LRRIQ3: variants seen among roughly 807,000 people sequenced by gnomAD.
LRRIQ3 encodes the protein leucine rich repeats and IQ motif containing 3.
LRRIQ3 carries 75 observed loss-of-function variants against 59.3 expected under a neutral mutation model. The observed-to-expected ratio is 1.26, with a 90% CI of 1.05 to 1.53. The LOEUF (loss-of-function observed/expected upper bound fraction) is 1.53. LRRIQ3 is among the 40% of genes most tolerant of loss of function. LRRIQ3 has a pLI of 0.00. For missense variants in LRRIQ3, 831 were observed against 710.0 expected, an observed-to-expected ratio of 1.17 and a Z score of -1.94; for synonymous variants, 250 against 231.3, an observed-to-expected ratio of 1.08 and a Z score of -0.73.
intron 7 of LRRIQ3, among the ~76,000 whole-genome samples, chr1:74,037,760 C>T (rs1198500706): frequency 3.3e-5 from 5 of 152,164 alleles, no homozygotes; most frequent in East Asian, 3.9e-4. Flanking sequence ...AAGAGCCACA[C>T]GGGGCAGGGG....
chr1:74,152,073 T>C (rs1377486440), intron 4 of LRRIQ3, among the ~76,000 whole-genome samples: 1 of 151,254 alleles, frequency 6.6e-6, no homozygotes, highest in Non-Finnish European at 1.5e-5. Flanking sequence ...GTGAACCTTA[T>C]AAAAAATAAA....
intron 5 of LRRIQ3, among the ~76,000 whole-genome samples, chr1:74,100,685 A>G (rs1172551330): frequency 6.6e-6 from 1 of 152,220 alleles, no homozygotes; most frequent in African/African-American, 2.4e-5. Context: ...AACCAAAAAC[A>G]GCATGGTACT....
intron 1 of LRRIQ3, among the ~76,000 whole-genome samples, chr1:74,185,696 C>A (rs142475730): frequency 1.1e-3 from 165 of 152,246 alleles, no homozygotes; most frequent in African/African-American, 3.8e-3. Context: ...GTAATCCCAG[C>A]ACTTTGGGAG....
rs144903162 is a variant in LRRIQ3 at position 74,050,525 on chromosome 1, C to G, written c.998-8592G>C. On this transcript the variant is annotated intron_variant, in intron 6 of 7. Coordinates refer to ENST00000354431, the MANE Select transcript of LRRIQ3 (RefSeq NM_001105659.2). ...AGAAGCCAATACCATTTGTGGTCAACAGAGCTTGTTTGATTCTTCTGAACG... is the reference window on the plus strand; with the variant it reads ...AGAAGCCAATACCATTTGTGGTCAAGAGAGCTTGTTTGATTCTTCTGAACG... 1.2e-4 allele frequency: 122 copies of G among 985,384 alleles called. No individual in the cohort carries two copies. In the East Asian group the frequency reaches 0.013, roughly 104 times the overall value. The allele number at this position is 985,384 out of a possible 1,614,324, so 61.0% of individuals were successfully genotyped here.
At chr1:74,132,403 C>G (rs1178770921) in intron 4 of LRRIQ3, among the ~76,000 whole-genome samples, 1 of 152,120 alleles carries the variant, frequency 6.6e-6, no homozygotes, top group Non-Finnish European at 1.5e-5. Context: ...GCCCGCATTG[C>G]CAAGTCAATG....
rs1216984130 is a variant in LRRIQ3 at position 74,026,962 on chromosome 1, C to A, written c.1726G>T (p.Glu576Ter). ...LKEMKKVRSQ[E>*]IYKRHCEEKF... is the part of the protein sequence containing the mutation. ...TCTTCACAATGTCTTTTATATATTTCTTGAGATCTAAGAGGAGAAAGAAAG... is the reference window on the plus strand; with the variant it reads ...TCTTCACAATGTCTTTTATATATTTATTGAGATCTAAGAGGAGAAAGAAAG... The change falls in exon 8 of 8, where the codon GAA becomes TAA. Residue 576 changes from glutamate (E) to a stop codon, truncating the protein, a stop_gained. Transcript: ENST00000354431. LOFTEE classifies it low-confidence loss of function (END_TRUNC). 6.5e-7 allele frequency: 1 copy of A among 1,541,542 alleles called. No individual in the cohort carries two copies. Among genetic ancestry groups the A allele is most frequent in the African/African-American group, 1.4e-5 (1 of 72,210 alleles).
intron 7 of LRRIQ3, among the ~76,000 whole-genome samples, chr1:74,030,820 A>G (rs1273133303): frequency 6.6e-6 from 1 of 152,214 alleles, no homozygotes; most frequent in Non-Finnish European, 1.5e-5. Flanking sequence ...CAGAATGAAC[A>G]GACAACCTAC....
At chr1:74,135,474 C>A (rs950134549) in intron 4 of LRRIQ3, among the ~76,000 whole-genome samples, 1 of 151,802 alleles carries the variant, frequency 6.6e-6, no homozygotes, top group Non-Finnish European at 1.5e-5. Flanking sequence ...GAAACATTCT[C>A]CAGGATATAT....
At chr1:74,100,993 G>A (rs12066059) in intron 5 of LRRIQ3, among the ~76,000 whole-genome samples, 6,039 of 152,156 alleles carry the variant, frequency 0.04, 151 homozygotes, top group South Asian at 0.13. Flanking sequence ...CAGGACATAG[G>A]CATGGGCAAG....
chr1:74,086,015 A>T (rs17094854), intron 5 of LRRIQ3, among the ~76,000 whole-genome samples: 3,743 of 152,112 alleles, frequency 0.025, 144 homozygotes, highest in African/African-American at 0.085. Flanking sequence ...GGAGCTACTA[A>T]ATCAACAAAC....
intron 3 of LRRIQ3, chr1:74,180,994 C>A: frequency 1.8e-6 from 1 of 556,528 alleles, no homozygotes; most frequent in Non-Finnish European, 3.1e-6. Flanking sequence ...ATTCTCTGTG[C>A]CTTTCCCTTG....
At chr1:74,174,804 C>T (rs571110690) in intron 3 of LRRIQ3, among the ~76,000 whole-genome samples, 4 of 152,034 alleles carry the variant, frequency 2.6e-5, no homozygotes, top group Admixed American at 2.0e-4. Context: ...AGTTATTTGT[C>T]AATGTTCTTT....
chr1:74,161,796 A>G (rs1480964517), intron 3 of LRRIQ3, among the ~76,000 whole-genome samples: 1 of 151,766 alleles, frequency 6.6e-6, no homozygotes, highest in Non-Finnish European at 1.5e-5. Flanking sequence ...GAACAAGTAA[A>G]CTCCAGACAA....
At chr1:74,077,461 C>A (rs530041228) in intron 5 of LRRIQ3, among the ~76,000 whole-genome samples, 22 of 151,466 alleles carry the variant, frequency 1.5e-4, no homozygotes, top group Middle Eastern at 3.4e-3. Flanking sequence ...GAACCCCCCC[C>A]AAAAAAAATC....
At chr1:74,101,316 C>T (rs1230084294) in intron 5 of LRRIQ3, among the ~76,000 whole-genome samples, 1 of 152,148 alleles carries the variant, frequency 6.6e-6, no homozygotes, top group East Asian at 1.9e-4. Context: ...AAATGCTCAT[C>T]ATCACTGGCC....
chr1:74,069,494 A>C (rs1570062778), intron 6 of LRRIQ3, among the ~76,000 whole-genome samples: 2 of 152,044 alleles, frequency 1.3e-5, no homozygotes, highest in East Asian at 3.9e-4. Flanking sequence ...AAAATAAAAA[A>C]AATTGGATAA....
At chr1:74,132,441 G>A (rs867464015) in intron 4 of LRRIQ3, among the ~76,000 whole-genome samples, 11 of 152,174 alleles carry the variant, frequency 7.2e-5, no homozygotes, top group African/African-American at 1.2e-4. Context: ...AGCTGGAGGC[G>A]TCGTGCTACC....
intron 3 of LRRIQ3, among the ~76,000 whole-genome samples, chr1:74,179,375 T>C (rs549182068): frequency 2.0e-5 from 3 of 152,098 alleles, no homozygotes; most frequent in African/African-American, 7.2e-5. Context: ...AGGCACAAGC[T>C]TTAATTACAC....
chr1:74,170,973 T>A (rs986711774), intron 3 of LRRIQ3, among the ~76,000 whole-genome samples: 36 of 152,164 alleles, frequency 2.4e-4, no homozygotes, highest in African/African-American at 5.3e-4. Flanking sequence ...TTTCAGATTT[T>A]TTATTATTAA....
Sources: allele counts gnomAD v4.1 joint callset (sites outside exome capture counted in the v4.1 genomes callset), GRCh38; gene constraint gnomAD v4.1.1; transcripts MANE v1.5; gene names NCBI Gene and HGNC (gene_info 2026-07-23, HGNC 2026-07-21).